The following RNF17 variants were observed in gnomAD, a reference collection of about 807,000 sequenced individuals.
RNF17 encodes the protein ring finger protein 17.
In RNF17, 31 loss-of-function variants were observed where a neutral mutation model predicts 200.5. The observed-to-expected ratio is 0.15, with a 90% CI of 0.12 to 0.21. The LOEUF (loss-of-function observed/expected upper bound fraction) is 0.21, where lower values mean the gene tolerates loss of function less well. Among genes scored for constraint, RNF17 ranks in the 10% least tolerant of loss-of-function variants. The pLI, the probability that RNF17 is intolerant of heterozygous loss-of-function variation, is 1.00. For synonymous variants in RNF17, 606 were observed against 637.8 expected, an observed-to-expected ratio of 0.95 and a Z score of 0.75; for missense variants, 1,628 against 1,905.1, an observed-to-expected ratio of 0.85 and a Z score of 2.71.
intron 5 of RNF17, among the ~76,000 whole-genome samples, chr13:24,781,507 G>A (rs532685591): frequency 4.0e-5 from 6 of 151,832 alleles, no homozygotes; most frequent in Admixed American, 2.0e-4. Flanking sequence ...ATGGGGCTAC[G>A]TGCCTGTGGT....
At chr13:24,761,641 A>G (rs1878749939), upstream of RNF17, among the ~76,000 whole-genome samples, 1 of 152,238 alleles carries the variant, frequency 6.6e-6, no homozygotes, top group African/African-American at 2.4e-5. Context: ...GCAAACCTCC[A>G]AGGCCATTAA....
chr13:24,749,004 T>C, the RNF17 span, among the ~76,000 whole-genome samples: 5 of 152,214 alleles, frequency 3.3e-5, no homozygotes, highest in African/African-American at 4.8e-5. Context: ...TCCACCCACC[T>C]TGGCCTCCCA....
upstream of RNF17, among the ~76,000 whole-genome samples, chr13:24,761,384 A>AG (rs1346111184): frequency 6.6e-6 from 1 of 152,254 alleles, no homozygotes; most frequent in Non-Finnish European, 1.5e-5. Flanking sequence ...CACAGGGCTA[A>AG]GGGCAGCCTG....
intron 3 of RNF17, among the ~76,000 whole-genome samples, chr13:24,776,112 G>T (rs905722020): frequency 2.6e-5 from 4 of 152,038 alleles, no homozygotes; most frequent in Admixed American, 2.0e-4. Context: ...TTTGTTAATG[G>T]CACCAAGTAT....
chr13:24,809,904 T>C (rs1209869654), intron 15 of RNF17, among the ~76,000 whole-genome samples: 1 of 152,106 alleles, frequency 6.6e-6, no homozygotes, highest in East Asian at 1.9e-4. Context: ...ATGTACCCAG[T>C]AGTCATTCAG....
At chr13:24,885,745 T>C in the RNF17 span, 10 of 1,013,094 alleles carry the variant, frequency 9.9e-6, 1 homozygote, top group Middle Eastern at 2.9e-4. Flanking sequence ...ACACATTTCC[T>C]TAGTTCATAT....
intron 15 of RNF17, among the ~76,000 whole-genome samples, chr13:24,822,618 G>A (rs1160196277): frequency 2.0e-5 from 3 of 151,950 alleles, no homozygotes; most frequent in African/African-American, 4.8e-5. Flanking sequence ...ATGGGGTTTC[G>A]CCATGTTGGC....
chr13:24,856,756 A>C (rs982172596), intron 25 of RNF17, among the ~76,000 whole-genome samples: 2 of 152,186 alleles, frequency 1.3e-5, no homozygotes, highest in Admixed American at 1.3e-4. Context: ...TTTTTCCTGA[A>C]GATAGCCTAT....
At chr13:24,775,892 G>A (rs1415410114) in intron 3 of RNF17, among the ~76,000 whole-genome samples, 2 of 152,114 alleles carry the variant, frequency 1.3e-5, no homozygotes, top group South Asian at 2.1e-4. Flanking sequence ...GGGACACAGA[G>A]TAAACATGTA....
chr13:24,761,851 C>T (rs893546611), upstream of RNF17, among the ~76,000 whole-genome samples: 15 of 152,158 alleles, frequency 9.9e-5, no homozygotes, highest in African/African-American at 2.7e-4. Flanking sequence ...AATTCAATTT[C>T]TGGGATTACC....
intron 18 of RNF17, among the ~76,000 whole-genome samples, chr13:24,837,497 C>G (rs143748406): frequency 7.9e-5 from 12 of 152,228 alleles, no homozygotes; most frequent in Non-Finnish European, 1.5e-4. Context: ...ATATCAAGCA[C>G]TCTCTCAGAC....
In RNF17 at chr13:24,863,853, C is replaced by T. The variant is rs571705793; in HGVS notation, c.3976-1020C>T. ...GAATGTGCATGCCACACAACCCAGC[C>T]GACAGCAGGCCTTGCCCAGACTCAC... On this transcript the variant is annotated intron_variant, in intron 28 of 35. Transcript: ENST00000255324. 2.6e-5 allele frequency among the ~76,000 whole-genome samples: 4 copies of T among 152,324 alleles called. No individual in the cohort carries two copies. The East Asian group carries it at 7.7e-4, about 29-fold the overall frequency.
chr13:24,835,216 C>G lies in RNF17; in HGVS notation c.2482+3238C>G, dbSNP rs965787848. Among the ~76,000 whole-genome samples, 8 of 152,130 alleles carry G rather than the reference C, an allele frequency of 5.3e-5. No homozygotes were observed. The East Asian group carries it at 9.7e-4, about 18-fold the overall frequency. ...GCTTAAACACACCTAACCCTGCCCC[C>G]ACCTGATGGTCCTTCCCTACCCCCC... On this transcript the variant is annotated intron_variant, in intron 18 of 35. Coordinates refer to ENST00000255324, the MANE Select transcript of RNF17 (RefSeq NM_031277.3).
intron 15 of RNF17, among the ~76,000 whole-genome samples, chr13:24,821,924 TGAG>T (rs1379462410): frequency 6.6e-6 from 1 of 152,052 alleles, no homozygotes; most frequent in Non-Finnish European, 1.5e-5. Context: ...CGGACACACA[TGAG>T]GAGTTTAGGA....
At chr13:24,762,295 G>A (rs563528112), upstream of RNF17, among the ~76,000 whole-genome samples, 11 of 150,184 alleles carry the variant, frequency 7.3e-5, no homozygotes, top group East Asian at 5.9e-4. Flanking sequence ...GCTTGAACCC[G>A]GAGACCAAGG....
intron 3 of RNF17, among the ~76,000 whole-genome samples, chr13:24,775,349 A>G (rs2137515885): frequency 6.6e-6 from 1 of 152,298 alleles, no homozygotes; most frequent in African/African-American, 2.4e-5. Context: ...TCCTGGTCTC[A>G]AGCTAGCCTC....
intron 18 of RNF17, among the ~76,000 whole-genome samples, chr13:24,840,651 A>T (rs1890527900): frequency 6.6e-6 from 1 of 152,136 alleles, no homozygotes; most frequent in African/African-American, 2.4e-5. Flanking sequence ...TAACTCAGGA[A>T]TGGAAAACCA....
At chr13:24,779,920 C>G (rs565510016) in intron 5 of RNF17, among the ~76,000 whole-genome samples, 173 bp downstream of exon 5, 5 of 152,170 alleles carry the variant, frequency 3.3e-5, no homozygotes, top group Non-Finnish European at 7.3e-5. Context: ...GGTCTTGTAA[C>G]ATTGTTGTGC....
chr13:24,882,401 T>TTTA (rs1356486356), downstream of RNF17: 1 of 152,104 alleles, frequency 6.6e-6, no homozygotes, highest in South Asian at 2.1e-4. Flanking sequence ...TCTGTAATTA[T>TTTA]TTATTATATA....
Sources: allele counts gnomAD v4.1 joint callset (sites outside exome capture counted in the v4.1 genomes callset), GRCh38; gene constraint gnomAD v4.1.1; transcripts MANE v1.5; gene names NCBI Gene and HGNC (gene_info 2026-07-23, HGNC 2026-07-21).